QTMAN: variants seen among roughly 807,000 people sequenced by gnomAD.
QTMAN encodes the protein queuosine-tRNA mannosyltransferase, also known as tRNA-queuosine alpha-mannosyltransferase.
chr2:144,113,404 G>T, the QTMAN span, among the ~76,000 whole-genome samples: 57 of 150,938 alleles, frequency 3.8e-4, no homozygotes, highest in African/African-American at 1.3e-3. Context: ...TAGCCAATTT[G>T]AACAACAGTG....
At chr2:143,985,725 C>T in the QTMAN span, among the ~76,000 whole-genome samples, 15 of 147,576 alleles carry the variant, frequency 1.0e-4, no homozygotes, top group East Asian at 2.5e-3. Flanking sequence ...TTTTCTTTAG[C>T]GAAATGCTCA....
chr2:144,071,435 C>T, the QTMAN span, among the ~76,000 whole-genome samples: 1 of 152,110 alleles, frequency 6.6e-6, no homozygotes, highest in African/African-American at 2.4e-5. Flanking sequence ...TATTTCACAA[C>T]CACTACCCTT....
the QTMAN span, chr2:144,230,460 G>A: frequency 1.3e-4 from 20 of 152,168 alleles, no homozygotes; most frequent in African/African-American, 4.6e-4. Context: ...ATTTTGGTAT[G>A]CAACACCAGG....
At chr2:144,185,171 TAAC>T in the QTMAN span, among the ~76,000 whole-genome samples, 1 of 152,216 alleles carries the variant, frequency 6.6e-6, no homozygotes, top group Admixed American at 6.5e-5. Flanking sequence ...TCATTTGGAT[TAAC>T]TTCACCTTCA....
the QTMAN span, among the ~76,000 whole-genome samples, chr2:144,276,525 G>A: frequency 1.3e-5 from 2 of 152,056 alleles, no homozygotes; most frequent in Admixed American, 6.6e-5. Context: ...CCTCTTACAC[G>A]TCAGACCTAA....
At chr2:144,007,151 AC>A in the QTMAN span, 1 of 1,275,992 alleles carries the variant, frequency 7.8e-7, no homozygotes, top group Non-Finnish European at 1.1e-6. Flanking sequence ...CAGTTCTACA[AC>A]TCTTACTAAA....
At chr2:144,103,448 T>C in the QTMAN span, among the ~76,000 whole-genome samples, 1 of 152,174 alleles carries the variant, frequency 6.6e-6, no homozygotes, top group Non-Finnish European at 1.5e-5. Flanking sequence ...ATAGAACATC[T>C]GAGGTGCAGC....
chr2:143,951,198 A>C, the QTMAN span, among the ~76,000 whole-genome samples: 1 of 151,636 alleles, frequency 6.6e-6, no homozygotes, highest in Non-Finnish European at 1.5e-5. Context: ...GGAGTTATGT[A>C]AAATGAAGAT....
the QTMAN span, among the ~76,000 whole-genome samples, chr2:144,305,094 T>G: frequency 6.6e-6 from 1 of 152,208 alleles, no homozygotes; most frequent in Non-Finnish European, 1.5e-5. Context: ...AAGTATAAAG[T>G]TTTTAATTTT....
chr2:144,182,303 T>C, the QTMAN span, among the ~76,000 whole-genome samples: 187 of 152,216 alleles, frequency 1.2e-3, 2 homozygotes, highest in African/African-American at 4.4e-3. Context: ...TATAGAACAA[T>C]TTCCTCAGTA....
chr2:144,044,344 T>C, the QTMAN span, among the ~76,000 whole-genome samples: 15,508 of 152,216 alleles, frequency 0.1, 1,198 homozygotes, highest in East Asian at 0.26. Context: ...TAAAATGTAA[T>C]TCACATATAC....
the QTMAN span, among the ~76,000 whole-genome samples, chr2:144,105,436 C>A: frequency 1.3e-5 from 2 of 152,188 alleles, no homozygotes; most frequent in Non-Finnish European, 2.9e-5. Context: ...AAAACCATGG[C>A]ACGAGAACTA....
At chr2:144,248,822 T>C in the QTMAN span, among the ~76,000 whole-genome samples, 1 of 152,042 alleles carries the variant, frequency 6.6e-6, no homozygotes, top group Non-Finnish European at 1.5e-5. Flanking sequence ...AGATCTCAGG[T>C]TGGTCGCTCT....
the QTMAN span, among the ~76,000 whole-genome samples, chr2:144,029,300 C>A: frequency 6.6e-6 from 1 of 152,140 alleles, no homozygotes; most frequent in Non-Finnish European, 1.5e-5. Flanking sequence ...GAGGGAGACT[C>A]CTGGAAAAGT....
chr2:144,301,787 T>C, the QTMAN span, among the ~76,000 whole-genome samples: 1 of 152,142 alleles, frequency 6.6e-6, no homozygotes, highest in Non-Finnish European at 1.5e-5. Flanking sequence ...AAAGCACTAA[T>C]CAAGACCTCT....
At chr2:144,203,699 G>A in the QTMAN span, among the ~76,000 whole-genome samples, 1 of 152,098 alleles carries the variant, frequency 6.6e-6, no homozygotes, top group Non-Finnish European at 1.5e-5. Flanking sequence ...ACTGTAATAT[G>A]TCTCAAGACT....
At chr2:144,064,004 T>C in the QTMAN span, among the ~76,000 whole-genome samples, 4 of 152,200 alleles carry the variant, frequency 2.6e-5, no homozygotes, top group African/African-American at 4.8e-5. Flanking sequence ...GACCTTATTA[T>C]AGAAATAATT....
At chr2:143,970,347 T>A in the QTMAN span, among the ~76,000 whole-genome samples, 878 of 152,316 alleles carry the variant, frequency 5.8e-3, 12 homozygotes, top group African/African-American at 0.021. Flanking sequence ...AGGTTGTATA[T>A]CCAATTACAA....
At chr2:144,182,044 A>T in the QTMAN span, among the ~76,000 whole-genome samples, 1 of 152,134 alleles carries the variant, frequency 6.6e-6, no homozygotes, top group African/African-American at 2.4e-5. Flanking sequence ...CAAACTTAGC[A>T]TTATGTAAGG....
Sources: gnomAD v4.1 joint callset for allele counts (sites outside exome capture counted in the v4.1 genomes callset) on GRCh38, gnomAD v4.1.1 for gene constraint, MANE v1.5 for transcripts, NCBI Gene and HGNC (gene_info 2026-07-23, HGNC 2026-07-21) for gene names.